Variants in SNX27 observed in about 807,000 individuals in gnomAD.
The protein encoded by SNX27 is sorting nexin 27.
Under a neutral mutation model 71.6 loss-of-function variants are expected in SNX27, and 22 were observed. The ratio of observed to expected loss-of-function variants is 0.31; its 90% CI spans 0.22 to 0.44. The LOEUF is 0.44. Among genes scored for constraint, SNX27 ranks in the 20% least tolerant of loss-of-function variants. The probability of loss-of-function intolerance (pLI) is 1.00; values close to 1 mark genes in which losing one functional copy is unlikely to be tolerated. For synonymous variants in SNX27, 269 were observed against 277.2 expected, an observed-to-expected ratio of 0.97 and a Z score of 0.29; for missense variants, 531 against 698.6, an observed-to-expected ratio of 0.76 and a Z score of 2.70.
At position 151,612,618 on chromosome 1, in the gene SNX27, G is replaced by C; in HGVS notation, c.311+106G>C. On this transcript the variant is annotated intron_variant, in intron 1 of 11. Transcript: ENST00000458013. This position sits in a 1 kb window ranked among gnomAD's most constrained non-coding sequence, Gnocchi z 5.2. ...AGGCCGCACCTCCCCCGAGCTCCGAGCCGGCCTCCGGACCCCCGCCCCTCA... is the reference window on the plus strand; with the variant it reads ...AGGCCGCACCTCCCCCGAGCTCCGACCCGGCCTCCGGACCCCCGCCCCTCA... 1.1e-6 allele frequency: 1 copy of C among 930,200 alleles called. No individual in the cohort carries two copies. The highest frequency in any genetic ancestry group is 1.4e-6 in the Non-Finnish European group (1 of 705,836). The allele number at this position is 930,200 out of a possible 1,614,324, so 57.6% of individuals were successfully genotyped here.
At chr1:151,658,006 A>G (rs563185078) in intron 2 of SNX27, among the ~76,000 whole-genome samples, 4 of 152,296 alleles carry the variant, frequency 2.6e-5, no homozygotes, top group Admixed American at 2.0e-4. Flanking sequence ...ATCTCAAAAA[A>G]ACCCCAAAAA....
At position 151,637,153 on chromosome 1, in the gene SNX27, G is replaced by GTTTTTTTTTTTTTTT. The variant is rs200938062; in HGVS notation, c.312-1727_312-1726insTTTTTTTTTTTTTTT. Among the ~76,000 whole-genome samples, 3 of 64,082 alleles carry GTTTTTTTTTTTTTTT rather than the reference G, an allele frequency of 4.7e-5. 1 individual carries two copies. The highest frequency in any genetic ancestry group is 3.3e-5 in the Non-Finnish European group (1 of 30,488). The allele number at this position is 64,082 out of a possible 152,430, so 42.0% of individuals were successfully genotyped here. Reference sequence around the variant, plus strand: ...CTGGTATATGATCAGAGTTGATCACGTTTTTTTTGTTTTTTTGTTTTTTTT... The same window carrying GTTTTTTTTTTTTTTT: ...CTGGTATATGATCAGAGTTGATCACGTTTTTTTTTTTTTTTTTTTTTTTGTTTTTTTGTTTTTTTT... On this transcript the variant is annotated intron_variant, in intron 1 of 11. Coordinates refer to ENST00000458013, the MANE Select transcript of SNX27 (RefSeq NM_001330723.2).
intron 1 of SNX27, among the ~76,000 whole-genome samples, chr1:151,622,079 T>C (rs1016827723): frequency 6.6e-6 from 1 of 152,260 alleles, no homozygotes; most frequent in African/African-American, 2.4e-5. Flanking sequence ...TCTTTCAATA[T>C]GTTGGAATGG....
intron 1 of SNX27, among the ~76,000 whole-genome samples, chr1:151,631,462 T>C (rs1027388433): frequency 1.3e-5 from 2 of 152,190 alleles, no homozygotes; most frequent in Non-Finnish European, 2.9e-5. Context: ...ATGTGCCTTA[T>C]GGGCTAAAAT....
rs1668600408 is a variant in SNX27, at chr1:151,639,003, C to G, written c.427C>G (p.Leu143Val). ...TGTACCTCCTCATGAGGCAGATAAC[C>G]TAGATCCCAGTGACGACTCGTTGGG... ...LSVPPHEADNLDPSDDSLGQS... is the reference protein window; with the variant it reads ...LSVPPHEADNVDPSDDSLGQS... Residue 143 changes from leucine (L) to valine (V), a missense_variant, in exon 2 of 12, where the codon CTA becomes GTA. Physicochemically the swap from Leu to Val is conservative, Grantham distance 32. Around this residue, in one of 5 missense-constraint regions of SNX27, gnomAD observed 47 missense variants for 41.4 expected, o/e 1.13. Transcript: ENST00000458013. The G allele has an allele frequency of 4.3e-6, 7 of 1,613,978 alleles. No individual in the cohort carries two copies. The highest frequency in any genetic ancestry group is 5.1e-6 in the Non-Finnish European group (6 of 1,180,026).
At position 151,696,538 on chromosome 1, in the gene SNX27, TTTC is replaced by T. The variant is rs1671739756; in HGVS notation, c.*2124_*2126del. ...CGTTCTTTCGTTCTTTCTTTCTTTC[TTTC>T]TTTCTCTTTCTTTCTTTTGCTTTCC... On this transcript the variant is annotated 3_prime_UTR_variant, in exon 12 of 12. Coordinates refer to ENST00000458013, the MANE Select transcript of SNX27 (RefSeq NM_001330723.2). The T allele has an allele frequency of 8.1e-6, 1 of 123,712 alleles. No homozygotes were observed. The highest frequency in any genetic ancestry group is 1.8e-5 in the Non-Finnish European group (1 of 56,108). The allele number at this position is 123,712 out of a possible 1,614,324, so 7.7% of individuals were successfully genotyped here.
At chr1:151,677,693 C>T (rs1007218457) in intron 7 of SNX27, 1 of 152,004 alleles carries the variant, frequency 6.6e-6, no homozygotes, top group African/African-American at 2.4e-5. Flanking sequence ...GCATGAACCA[C>T]CACACCTGGC....
chr1:151,660,935 A>C, intron 4 of SNX27, 73 bp downstream of exon 4: 1 of 1,124,784 alleles, frequency 8.9e-7, no homozygotes, highest in Non-Finnish European at 1.4e-6. Flanking sequence ...AAAGGTATTG[A>C]TTATGCATTA....
chr1:151,678,756 C>G (rs1300647977), intron 7 of SNX27: 2 of 152,114 alleles, frequency 1.3e-5, no homozygotes, highest in Non-Finnish European at 2.9e-5. Context: ...CTGTGTCTCC[C>G]AGGCTGGAGT....
chr1:151,620,733 A>C (rs1157728360), intron 1 of SNX27, among the ~76,000 whole-genome samples: 2 of 144,182 alleles, frequency 1.4e-5, no homozygotes, highest in African/African-American at 5.1e-5. Flanking sequence ...TCTGTCGCCT[A>C]GGCTGGAGAG....
In SNX27 at chr1:151,660,859, T is replaced by C. The variant is rs769067271; in HGVS notation, c.798T>C (p.Asp266=). 7 of 1,607,680 alleles carry C rather than the reference T, an allele frequency of 4.4e-6. No homozygotes were observed. The highest frequency in any genetic ancestry group is 1.7e-5 in the Admixed American group (1 of 59,998). Residue 266 remains aspartate (D), a synonymous_variant, in exon 4 of 12, where the codon GAT becomes GAC. Transcript: ENST00000458013. ...TGCAGGAATTCCTATCAGAATCCGA[T>C]GAGGTAGGTGAATATCTCTTTTAGT... ...DIMQEFLSES[D]ENYNGVSDVE...
chr1:151,688,810 G>C (rs1169040337), intron 8 of SNX27, among the ~76,000 whole-genome samples: 1 of 151,842 alleles, frequency 6.6e-6, no homozygotes, highest in Non-Finnish European at 1.5e-5. Flanking sequence ...ATACTACCTG[G>C]GTGTTTTTTC....
At chr1:151,681,575 C>G (rs12069509) in intron 7 of SNX27, among the ~76,000 whole-genome samples, 3,511 of 152,206 alleles carry the variant, frequency 0.023, 127 homozygotes, top group African/African-American at 0.078. Flanking sequence ...TTTGCCTATC[C>G]AACTATCTTT....
rs893440511 is a variant in SNX27, at chr1:151,698,847, T to C, written c.*4430T>C. The C allele has an allele frequency of 1.3e-5, 2 of 152,694 alleles. No homozygotes were observed. The highest frequency in any genetic ancestry group is 4.8e-5 in the African/African-American group (2 of 41,472). 9.5% of individuals were successfully genotyped at this position (152,694 alleles called of 1,614,324 possible). A position where few individuals can be genotyped will look rare whatever the true frequency, so the allele number is the denominator to read the frequency against. On this transcript the variant is annotated 3_prime_UTR_variant, in exon 12 of 12. Coordinates refer to ENST00000458013, the MANE Select transcript of SNX27 (RefSeq NM_001330723.2). ...CTGGGCTTCAGTTTTTCCCAGGCCA[T>C]GCACATTTAATTTATTTCAGAGAAA...
chr1:151,693,329 T>C (rs1671545180), intron 10 of SNX27, 95 bp from the exon 11 acceptor site: 12 of 1,268,660 alleles, frequency 9.5e-6, no homozygotes, highest in Non-Finnish European at 1.3e-5. Flanking sequence ...AGACTGAGTT[T>C]GGAAGATGGG....
chr1:151,625,620 G>A (rs1274977671), intron 1 of SNX27, among the ~76,000 whole-genome samples: 1 of 151,798 alleles, frequency 6.6e-6, no homozygotes, highest in Non-Finnish European at 1.5e-5. Context: ...CAGATCACTT[G>A]AGGTCATGAG....
At chr1:151,655,014 TA>T (rs1669619323) in intron 2 of SNX27, among the ~76,000 whole-genome samples, 1 of 152,228 alleles carries the variant, frequency 6.6e-6, no homozygotes, top group African/African-American at 2.4e-5. Flanking sequence ...CATGCTTTTT[TA>T]TATGTCTAGT....
rs896809468 is a variant in SNX27, at chr1:151,612,691, GCC to G, written c.311+182_311+183del. 3.7e-4 allele frequency among the ~76,000 whole-genome samples: 50 copies of G among 135,352 alleles called. No individual in the cohort carries two copies. The highest frequency in any genetic ancestry group is 1.4e-3 in the African/African-American group (49 of 35,296). The allele number at this position is 135,352 out of a possible 152,430, so 88.8% of individuals were successfully genotyped here. The stretch of plus-strand genomic sequence containing the variant: ...CTTGTGGGCTGCCCTCCCACCACCC[GCC>G]CCGGGGCTTCTGCGACGCCGGTCTC... On this transcript the variant is annotated intron_variant, in intron 1 of 11. Transcript: ENST00000458013. The surrounding 1 kb of genome is among the most constrained non-coding windows in gnomAD (Gnocchi z 5.2).
At position 151,696,669 on chromosome 1, in the gene SNX27, T is replaced by TTTCTC. The variant is rs908237839; in HGVS notation, c.*2252_*2253insTTCTC. On this transcript the variant is annotated 3_prime_UTR_variant, in exon 12 of 12. Transcript: ENST00000458013. The stretch of plus-strand genomic sequence containing the variant: ...TTTTTCTGTTTTTTTTTTTTTTTTT[T>TTTCTC]CCCAGAGTCTTGCTCTGTCGCCCAG... 2 of 117,390 alleles carry TTTCTC rather than the reference T, an allele frequency of 1.7e-5. No individual in the cohort carries two copies. Among genetic ancestry groups the TTTCTC allele is most frequent in the African/African-American group, 8.4e-5 (2 of 23,802 alleles). The allele number at this position is 117,390 out of a possible 1,614,324, so 7.3% of individuals were successfully genotyped here.
Sources: allele counts gnomAD v4.1 joint callset (sites outside exome capture counted in the v4.1 genomes callset), GRCh38; gene constraint gnomAD v4.1.1; regional missense constraint gnomAD v4.1.1; non-coding constraint Gnocchi (gnomAD v3.1); transcripts MANE v1.5; gene names NCBI Gene and HGNC (gene_info 2026-07-23, HGNC 2026-07-21).